ADGRL2: variants seen among roughly 807,000 people sequenced by gnomAD.
ADGRL2 encodes calcium-independent alpha-latrotoxin receptor 2.
A neutral mutation model predicts 157.4 loss-of-function variants in ADGRL2; 44 were observed. The observed-to-expected ratio is 0.28, with a 90% CI of 0.22 to 0.36. ADGRL2 has a LOEUF of 0.36. Ranked by LOEUF, ADGRL2 falls within the 10% of genes least tolerant of loss-of-function variation. ADGRL2 has a pLI of 1.00. For synonymous variants in ADGRL2, 585 were observed against 624.7 expected, an observed-to-expected ratio of 0.94 and a Z score of 0.95; for missense variants, 1,510 against 1,768.9, an observed-to-expected ratio of 0.85 and a Z score of 2.63.
chr1:81,765,539 C>G (rs186765724), intron 2 of ADGRL2, among the ~76,000 whole-genome samples: 1 of 151,926 alleles, frequency 6.6e-6, no homozygotes, highest in Non-Finnish European at 1.5e-5. Context: ...ATTATTAAAG[C>G]TGAACTTCAA....
chr1:81,754,000 G>C (rs1161310135), intron 1 of ADGRL2, among the ~76,000 whole-genome samples: 1 of 152,156 alleles, frequency 6.6e-6, no homozygotes, highest in Non-Finnish European at 1.5e-5. Context: ...TGTCACTGGA[G>C]AGAAGACAAG....
intron 3 of ADGRL2, among the ~76,000 whole-genome samples, chr1:81,685,818 G>A (rs932098555): frequency 6.6e-6 from 1 of 152,050 alleles, no homozygotes; most frequent in South Asian, 2.1e-4. Context: ...CTTGTATGCC[G>A]ATTTTGCTGA....
At chr1:81,639,391 A>G (rs2082173917) in intron 3 of ADGRL2, among the ~76,000 whole-genome samples, 2 of 152,060 alleles carry the variant, frequency 1.3e-5, no homozygotes. Flanking sequence ...TTTAAATATA[A>G]AGACATATAG....
chr1:81,966,202 A>T lies in ADGRL2; in HGVS notation c.2143+19A>T. 6.2e-7 allele frequency: 1 copy of T among 1,613,680 alleles called. No homozygotes were observed. Among genetic ancestry groups the T allele is most frequent in the South Asian group, 1.1e-5 (1 of 91,060 alleles). ...AGGAATGGTAAGGTGGAAGTCTTTTAAAAATTGACAGTTTTTGTTGTTGTT... is the reference window on the plus strand; with the variant it reads ...AGGAATGGTAAGGTGGAAGTCTTTTTAAAATTGACAGTTTTTGTTGTTGTT... On this transcript the variant is annotated intron_variant, in intron 12 of 23. Coordinates refer to ENST00000686636, the MANE Select transcript of ADGRL2 (RefSeq NM_001366006.2).
chr1:81,991,112 A>T lies in ADGRL2; in HGVS notation c.4377A>T (p.Arg1459Ser), dbSNP rs757203865. Residue 1459 changes from arginine (R) to serine (S), a missense_variant, in exon 24 of 24, where the codon AGA becomes AGT. Around this residue, in one of 4 missense-constraint regions of ADGRL2, gnomAD observed 327 missense variants for 310.1 expected, o/e 1.05. Transcript: ENST00000686636. Reference sequence around the variant, plus strand: ...GGTGTATTCCAGAAGGAGATGTTAGAGAAGGACAAATGCAGCTGGTTACAA... The same window carrying T: ...GGTGTATTCCAGAAGGAGATGTTAGTGAAGGACAAATGCAGCTGGTTACAA... ...KEGCIPEGDV[R>S]EGQMQLVTSL The T allele has an allele frequency of 3.1e-6, 5 of 1,609,778 alleles. No individual in the cohort carries two copies. The Admixed American group carries it at 8.3e-5, about 27-fold the overall frequency.
intron 3 of ADGRL2, among the ~76,000 whole-genome samples, chr1:81,668,222 C>T (rs932318912): frequency 2.1e-4 from 32 of 152,058 alleles, no homozygotes; most frequent in Admixed American, 1.3e-3. Context: ...GTCAGGAGTT[C>T]GAGACCGGCC....
intron 3 of ADGRL2, among the ~76,000 whole-genome samples, chr1:81,652,683 G>A (rs2082445826): frequency 6.6e-6 from 1 of 151,926 alleles, no homozygotes; most frequent in African/African-American, 2.4e-5. Flanking sequence ...TGTTAATGTA[G>A]CACAAATTCA....
intron 1 of ADGRL2, among the ~76,000 whole-genome samples, chr1:81,826,669 C>G (rs1270669873): frequency 6.6e-6 from 1 of 152,068 alleles, no homozygotes; most frequent in Non-Finnish European, 1.5e-5. Context: ...ATTCATGAGC[C>G]AGGATGGGAA....
chr1:81,623,857 G>A (rs1308725875), intron 3 of ADGRL2, among the ~76,000 whole-genome samples: 5 of 151,876 alleles, frequency 3.3e-5, no homozygotes, highest in African/African-American at 7.3e-5. Context: ...GGCTGGTCTC[G>A]AACTCCTGAC....
chr1:81,798,244 T>C (rs1419225494), upstream of ADGRL2, among the ~76,000 whole-genome samples: 1 of 152,090 alleles, frequency 6.6e-6, no homozygotes, highest in East Asian at 1.9e-4. Flanking sequence ...GTAGATATAC[T>C]CTATGGTGTG....
intron 2 of ADGRL2, among the ~76,000 whole-genome samples, chr1:81,905,873 T>C (rs1487548579): frequency 6.6e-6 from 1 of 152,102 alleles, no homozygotes; most frequent in East Asian, 1.9e-4. Context: ...AAAATAAATA[T>C]GGTACTACTA....
chr1:81,695,822 CAAAAAAA>C (rs36057272), upstream of ADGRL2, among the ~76,000 whole-genome samples: 2 of 123,432 alleles, frequency 1.6e-5, no homozygotes, highest in Non-Finnish European at 3.4e-5. Context: ...GACTCTGTTT[CAAAAAAA>C]AAAAAAAAGA....
chr1:81,324,083 G>T (rs1206835979), intron 1 of ADGRL2, among the ~76,000 whole-genome samples: 2 of 152,184 alleles, frequency 1.3e-5, no homozygotes, highest in African/African-American at 4.8e-5. Flanking sequence ...TCTGGCTAAT[G>T]TATTGGAAGG....
intron 3 of ADGRL2, among the ~76,000 whole-genome samples, chr1:81,623,019 A>G (rs924972413): frequency 4.6e-5 from 7 of 152,206 alleles, no homozygotes; most frequent in South Asian, 2.1e-4. Flanking sequence ...AGAATTTTCA[A>G]TTTTAATGAA....
At chr1:81,985,961 A>G (rs1317234068) in intron 21 of ADGRL2, among the ~76,000 whole-genome samples, 1 of 152,050 alleles carries the variant, frequency 6.6e-6, no homozygotes, top group Non-Finnish European at 1.5e-5. Context: ...TCAGTTTGAT[A>G]TGTACTGATT....
intron 2 of ADGRL2, among the ~76,000 whole-genome samples, chr1:81,768,379 A>T (rs747536543): frequency 3.3e-5 from 5 of 151,898 alleles, no homozygotes; most frequent in Non-Finnish European, 7.4e-5. Context: ...TGAAATAAAT[A>T]CTCCTCAAAG....
chr1:81,727,031 T>C lies in ADGRL2; in HGVS notation c.-143+27223T>C, dbSNP rs573211706. Among the ~76,000 whole-genome samples, 92 of 152,354 alleles carry C rather than the reference T, an allele frequency of 6.0e-4. 1 individual carries two copies. The highest frequency in any genetic ancestry group is 3.4e-3 in the Middle Eastern group (1 of 294). On this transcript the variant is annotated intron_variant, in intron 1 of 20. Coordinates refer to the ADGRL2 transcript ENST00000359929. The stretch of plus-strand genomic sequence containing the variant: ...CAAAGTAGTAATCAGTTTATAGATA[T>C]TGCTGATGTCAAACATGTACAGTAA...
chr1:81,481,477 C>T (rs2078385857), intron 2 of ADGRL2, among the ~76,000 whole-genome samples: 2 of 152,184 alleles, frequency 1.3e-5, no homozygotes, highest in South Asian at 2.1e-4. Context: ...TGGCCCTCGG[C>T]GCAGAAGCTC....
At position 81,990,864 on chromosome 1, in the gene ADGRL2, A is replaced by G; in HGVS notation, c.4129A>G (p.Asn1377Asp). 2 of 1,614,080 alleles carry G rather than the reference A, an allele frequency of 1.2e-6. No homozygotes were observed. Among genetic ancestry groups the G allele is most frequent in the South Asian group, 2.2e-5 (2 of 91,082 alleles). ...GGCTGAAGATCACCTACAGTCCCCC[A>G]ACAGAGACTCTCTTTATACAAGCAT... ...AEAEDHLQSP[N>D]RDSLYTSMPN... Residue 1377 changes from asparagine (N) to aspartate (D), a missense_variant, in exon 24 of 24, where the codon AAC (asparagine) becomes GAC (aspartate). Around this residue, in one of 4 missense-constraint regions of ADGRL2, gnomAD observed 327 missense variants for 310.1 expected, o/e 1.05. Transcript: ENST00000686636.
Sources: gnomAD v4.1 joint callset for allele counts (sites outside exome capture counted in the v4.1 genomes callset) on GRCh38, gnomAD v4.1.1 for gene constraint, gnomAD v4.1.1 regional missense constraint, MANE v1.5 for transcripts, NCBI Gene and HGNC (gene_info 2026-07-23, HGNC 2026-07-21) for gene names.